The following ARIH2 variants were observed in gnomAD, a reference collection of about 807,000 sequenced individuals.
ARIH2 encodes the protein E3 ubiquitin-protein ligase ARIH2.
ARIH2 carries 12 observed loss-of-function variants against 79.8 expected under a neutral mutation model. The observed-to-expected ratio is 0.15, with a 90% CI of 0.10 to 0.24. The LOEUF is 0.24. Ranked by LOEUF, ARIH2 falls within the 10% of genes least tolerant of loss-of-function variation. The pLI is 1.00. For synonymous variants in ARIH2, 224 were observed against 213.9 expected (o/e 1.05, Z -0.41); for missense variants, 301 against 618.3 (o/e 0.49, Z 5.44).
intron 3 of ARIH2, among the ~76,000 whole-genome samples, chr3:48,936,279 G>A (rs1468093624): frequency 6.6e-6 from 1 of 152,056 alleles, no homozygotes; most frequent in Non-Finnish European, 1.5e-5. Flanking sequence ...GGGAAGAATT[G>A]TAGGAAAGAT....
intron 3 of ARIH2, among the ~76,000 whole-genome samples, chr3:48,958,247 G>A (rs73082332): frequency 0.022 from 3,398 of 152,174 alleles, 58 homozygotes; most frequent in Non-Finnish European, 0.03. Flanking sequence ...CTTGAACCCA[G>A]GAGTTCTTGG....
intron 1 of ARIH2, chr3:48,922,517 G>A (rs2084958659): frequency 6.6e-6 from 1 of 152,088 alleles, no homozygotes; most frequent in Admixed American, 6.6e-5. Context: ...ACAGGCGTGA[G>A]CCACAACACC....
At chr3:48,954,962 C>G (rs1364052012) in intron 3 of ARIH2, among the ~76,000 whole-genome samples, 1 of 152,178 alleles carries the variant, frequency 6.6e-6, no homozygotes, top group Non-Finnish European at 1.5e-5. Context: ...CTTTGGGAGG[C>G]CGAGGCAGGA....
At chr3:48,948,947 C>A (rs1559775802) in intron 3 of ARIH2, 2 of 367,148 alleles carry the variant, frequency 5.4e-6, no homozygotes, top group Non-Finnish European at 1.1e-5. Flanking sequence ...TTTACCCATT[C>A]ATTTGTAAGT....
intron 7 of ARIH2, among the ~76,000 whole-genome samples, chr3:48,969,933 G>A (rs1219692006): frequency 2.7e-5 from 4 of 146,108 alleles, no homozygotes; most frequent in African/African-American, 5.1e-5. Context: ...CTCTGTCACC[G>A]AGGCCGGAGT....
intron 3 of ARIH2, among the ~76,000 whole-genome samples, chr3:48,931,328 G>A (rs1036122847): frequency 1.3e-4 from 20 of 152,098 alleles, no homozygotes; most frequent in Admixed American, 3.9e-4. Flanking sequence ...GGTGGATCAC[G>A]AGGTCAGGAG....
At chr3:48,949,832 C>CT (rs906266100) in intron 3 of ARIH2, among the ~76,000 whole-genome samples, 3 of 150,154 alleles carry the variant, frequency 2.0e-5, no homozygotes, top group African/African-American at 7.3e-5. Context: ...TTTTTTTAAT[C>CT]TTTTTTTTAC....
At chr3:48,978,606 A>G (rs1217927645) in intron 11 of ARIH2, among the ~76,000 whole-genome samples, 1 of 150,346 alleles carries the variant, frequency 6.7e-6, no homozygotes, top group African/African-American at 2.5e-5. Context: ...GGTGTGAGCT[A>G]CCGCAAAAGC....
At position 48,961,670 on chromosome 3, in the gene ARIH2, T is replaced by G; in HGVS notation, c.314T>G (p.Ile105Arg). 1 of 1,606,518 alleles carries G rather than the reference T, an allele frequency of 6.2e-7. No homozygotes were observed. Among genetic ancestry groups the G allele is most frequent in the Non-Finnish European group, 8.5e-7 (1 of 1,173,130 alleles). Residue 105 changes from isoleucine (I) to arginine (R), a missense_variant, in exon 4 of 16, where the codon ATA becomes AGA. Physicochemically the swap from Ile to Arg is moderately conservative, Grantham distance 97 (BLOSUM62 -3). This residue lies in a region of ARIH2 where 223 missense variants were observed against 349.4 expected (regional missense o/e 0.64). Coordinates refer to ENST00000356401, the MANE Select transcript of ARIH2 (RefSeq NM_006321.4). The stretch of plus-strand genomic sequence containing the variant: ...AATTTCCACTGGCAAGTTTCAGAGA[T>G]ATTGGACAGGTAAGGTATTTGGGGG... ...LVNFHWQVSE[I>R]LDRYKSNSAQ... is the part of the protein sequence containing the mutation.
chr3:48,946,667 T>C (rs1044061852), intron 3 of ARIH2, among the ~76,000 whole-genome samples: 6 of 151,790 alleles, frequency 4.0e-5, no homozygotes, highest in African/African-American at 9.7e-5. Flanking sequence ...TGCAGAGCAA[T>C]GTGTAGGGTA....
intron 3 of ARIH2, among the ~76,000 whole-genome samples, chr3:48,948,118 G>A (rs1214603133): frequency 6.6e-6 from 1 of 151,796 alleles, no homozygotes; most frequent in African/African-American, 2.4e-5. Flanking sequence ...CCACCACCAC[G>A]CCTGGCTAAT....
At chr3:48,926,652 G>A (rs1214900806) in intron 2 of ARIH2, 1 of 152,166 alleles carries the variant, frequency 6.6e-6, no homozygotes, top group Non-Finnish European at 1.5e-5. Flanking sequence ...CCGGGTTAAA[G>A]TGATTCTCCT....
At chr3:48,943,441 G>A (rs2088641685) in intron 3 of ARIH2, 1 of 151,750 alleles carries the variant, frequency 6.6e-6, no homozygotes, top group Non-Finnish European at 1.5e-5. Flanking sequence ...ACCTTCATAC[G>A]CTCTTGTGGT....
intron 9 of ARIH2, among the ~76,000 whole-genome samples, chr3:48,974,356 G>A (rs2092398970): frequency 6.6e-6 from 1 of 152,226 alleles, no homozygotes; most frequent in African/African-American, 2.4e-5. Context: ...TCAGACTGGT[G>A]TCTTCATTGC....
chr3:48,964,299 G>A (rs1349501817), intron 4 of ARIH2, among the ~76,000 whole-genome samples: 3 of 148,630 alleles, frequency 2.0e-5, no homozygotes, highest in African/African-American at 5.0e-5. Flanking sequence ...GAGCCACTGC[G>A]CCCAGCCATA....
At chr3:48,970,856 A>T in intron 8 of ARIH2, 152 bp downstream of exon 8, 1 of 581,128 alleles carries the variant, frequency 1.7e-6, no homozygotes, top group Non-Finnish European at 3.1e-6. Flanking sequence ...GTTTATGTCC[A>T]GCATCTCATA....
rs1005089674 is a variant in ARIH2 at position 48,959,387 on chromosome 3, G to A, written c.256-2225G>A. Among the ~76,000 whole-genome samples the A allele has an allele frequency of 3.3e-5, 5 of 151,292 alleles. No homozygotes were observed. In the East Asian group the frequency reaches 9.7e-4, roughly 29 times the overall value. ...TATCAAAGACTGTATTTCAGCAGTT[G>A]TTAAAGTTTAAACAAGATGTCTTGT... On this transcript the variant is annotated intron_variant, in intron 3 of 15. Coordinates refer to ENST00000356401, the MANE Select transcript of ARIH2 (RefSeq NM_006321.4).
chr3:48,953,556 A>G (rs1020075953), intron 3 of ARIH2, among the ~76,000 whole-genome samples: 1 of 151,952 alleles, frequency 6.6e-6, no homozygotes, highest in Non-Finnish European at 1.5e-5. Flanking sequence ...GGTGCCTCAC[A>G]ACGCCCGGCT....
intron 3 of ARIH2, among the ~76,000 whole-genome samples, chr3:48,940,528 G>A (rs1403865759): frequency 6.6e-6 from 1 of 151,858 alleles, no homozygotes; most frequent in Non-Finnish European, 1.5e-5. Flanking sequence ...TGGAGGGACC[G>A]GCTGAAGCCA....
Sources: gnomAD v4.1 joint callset for allele counts (sites outside exome capture counted in the v4.1 genomes callset) on GRCh38, gnomAD v4.1.1 for gene constraint, gnomAD v4.1.1 regional missense constraint, MANE v1.5 for transcripts, NCBI Gene and HGNC (gene_info 2026-07-23, HGNC 2026-07-21) for gene names.